The following TENM2 variants were observed in gnomAD, a reference collection of about 807,000 sequenced individuals.
The protein encoded by TENM2 is teneurin transmembrane protein 2.
TENM2 carries 52 observed loss-of-function variants against 245.2 expected under a neutral mutation model. The ratio of observed to expected loss-of-function variants is 0.21; its 90% CI spans 0.17 to 0.27. The LOEUF is 0.27. TENM2 is among the 10% of genes least tolerant of loss of function. TENM2 has a pLI of 1.00. For missense variants in TENM2, 3,046 were observed against 3,666.8 expected, an observed-to-expected ratio of 0.83 and a Z score of 4.37; for synonymous variants, 1,363 against 1,438.9, an observed-to-expected ratio of 0.95 and a Z score of 1.19.
intron 2 of TENM2, among the ~76,000 whole-genome samples, chr5:167,517,337 CTCTTT>C (rs1770447740): frequency 1.3e-5 from 2 of 152,250 alleles, no homozygotes; most frequent in South Asian, 2.1e-4. Flanking sequence ...TACATAAACG[CTCTTT>C]TCTTTAAAGT....
intron 5 of TENM2, among the ~76,000 whole-genome samples, chr5:168,029,372 C>T (rs1786907015): frequency 6.6e-6 from 1 of 152,156 alleles, no homozygotes. Flanking sequence ...CTCTCTCCTG[C>T]TTAAGGTAGA....
rs1447735529 is a variant in TENM2, at chr5:167,344,999, A to C, written c.227-30199A>C. 2.6e-5 allele frequency among the ~76,000 whole-genome samples: 4 copies of C among 152,220 alleles called. No homozygotes were observed. In the East Asian group the frequency reaches 5.8e-4, roughly 22 times the overall value. On this transcript the variant is annotated intron_variant, in intron 1 of 28. Transcript: ENST00000518659. Reference sequence around the variant, plus strand: ...AGGAAAGGAAGTACAGCCTCCTTAGAAGGCAGAGAGAGAATCTCTGCTTTT... The same window carrying C: ...AGGAAAGGAAGTACAGCCTCCTTAGCAGGCAGAGAGAGAATCTCTGCTTTT...
At chr5:167,189,487 CTTTTT>C in the TENM2 span, among the ~76,000 whole-genome samples, 1 of 151,508 alleles carries the variant, frequency 6.6e-6, no homozygotes, top group African/African-American at 2.4e-5. Context: ...CTTTTCTTTT[CTTTTT>C]CCTTCCTTCC....
At chr5:167,084,327 T>TTATATATATA in the TENM2 span, among the ~76,000 whole-genome samples, 999 of 23,088 alleles carry the variant, frequency 0.043, 240 homozygotes, top group Middle Eastern at 0.11. Flanking sequence ...GCCATTTTAG[T>TTATATATATA]TATATATATA....
the TENM2 span, among the ~76,000 whole-genome samples, chr5:167,270,369 G>T: frequency 6.6e-6 from 1 of 152,048 alleles, no homozygotes; most frequent in Non-Finnish European, 1.5e-5. Context: ...TGGTGGTGAT[G>T]GTAAAGTCCG....
At chr5:167,905,020 A>G (rs183999811) in intron 3 of TENM2, among the ~76,000 whole-genome samples, 2 of 152,306 alleles carry the variant, frequency 1.3e-5, no homozygotes, top group African/African-American at 4.8e-5. Flanking sequence ...ATATTTCAGG[A>G]TATGGTTATA....
At position 167,423,364 on chromosome 5, in the gene TENM2, G is replaced by T. The variant is rs191710795; in HGVS notation, c.502+47891G>T. On this transcript the variant is annotated intron_variant, in intron 2 of 28. Transcript: ENST00000518659. ...ATATCGATTAGTAAAGCCACCTTTT[G>T]GACTTATTGTTGGTAAACTGGGTTG... Among the ~76,000 whole-genome samples, 23 of 152,176 alleles carry T rather than the reference G, an allele frequency of 1.5e-4. 1 individual carries two copies. The highest frequency in any genetic ancestry group is 1.2e-3 in the Admixed American group (18 of 15,290).
intron 2 of TENM2, among the ~76,000 whole-genome samples, chr5:167,746,426 C>G (rs1310467913): frequency 2.6e-5 from 4 of 151,854 alleles, no homozygotes; most frequent in Non-Finnish European, 4.4e-5. Context: ...CTGCTTTATG[C>G]CTAGAACCAA....
chr5:168,208,493 C>G (rs1428481684), intron 19 of TENM2, among the ~76,000 whole-genome samples: 4 of 152,178 alleles, frequency 2.6e-5, no homozygotes, highest in Non-Finnish European at 5.9e-5. Flanking sequence ...GCAAAGCCAG[C>G]AGACATTGGA....
the TENM2 span, among the ~76,000 whole-genome samples, chr5:167,175,144 A>G: frequency 6.6e-6 from 1 of 152,210 alleles, no homozygotes; most frequent in Non-Finnish European, 1.5e-5. Context: ...ACAAGGGAAC[A>G]CCGACATCCC....
chr5:167,903,830 C>G (rs1016968724), intron 3 of TENM2, among the ~76,000 whole-genome samples: 1 of 152,144 alleles, frequency 6.6e-6, no homozygotes. Flanking sequence ...TGGCTAAGTG[C>G]TGATGCAAGC....
At position 167,861,564 on chromosome 5, in the gene TENM2, C is replaced by A. The variant is rs534442995; in HGVS notation, c.503-14422C>A. Among the ~76,000 whole-genome samples the A allele has an allele frequency of 2.6e-5, 4 of 152,320 alleles. No homozygotes were observed. In the South Asian group the frequency reaches 8.3e-4, roughly 32 times the overall value. On this transcript the variant is annotated intron_variant, in intron 2 of 28. Coordinates refer to ENST00000518659, the Ensembl canonical transcript of TENM2. ...GCCTGCTTGGCATTTACCTTCCTTT[C>A]CCAGGCTGACCTATGAAGATGGGGC...
At chr5:167,223,021 GA>G in the TENM2 span, among the ~76,000 whole-genome samples, 36 of 152,108 alleles carry the variant, frequency 2.4e-4, no homozygotes, top group African/African-American at 7.7e-4. Context: ...CTTTCAATAG[GA>G]TTTTTTTTAT....
the TENM2 span, among the ~76,000 whole-genome samples, chr5:167,037,601 A>C: frequency 3.3e-5 from 5 of 152,224 alleles, no homozygotes; most frequent in East Asian, 9.7e-4. Flanking sequence ...AATTCCTTCC[A>C]TTCTGTCACA....
chr5:167,309,885 GT>G (rs963872546), intron 1 of TENM2: 1 of 152,304 alleles, frequency 6.6e-6, no homozygotes, highest in Non-Finnish European at 1.5e-5. Context: ...GAGAGATTTT[GT>G]GCTGCGAGTC....
chr5:167,772,141 C>A (rs1763444284), intron 2 of TENM2, among the ~76,000 whole-genome samples: 1 of 152,148 alleles, frequency 6.6e-6, no homozygotes, highest in African/African-American at 2.4e-5. Context: ...ACATTTTACC[C>A]ACATGATTCT....
At chr5:167,200,764 G>A in the TENM2 span, among the ~76,000 whole-genome samples, 1 of 152,028 alleles carries the variant, frequency 6.6e-6, no homozygotes, top group South Asian at 2.1e-4. Flanking sequence ...TTTTCCATTA[G>A]GTACTTTCTG....
chr5:167,708,086 G>A (rs866712971), intron 2 of TENM2, among the ~76,000 whole-genome samples: 1 of 152,086 alleles, frequency 6.6e-6, no homozygotes, highest in Admixed American at 6.5e-5. Flanking sequence ...TAGACAAATC[G>A]ATCTTATCTG....
the TENM2 span, among the ~76,000 whole-genome samples, chr5:167,157,307 G>T: frequency 6.6e-6 from 1 of 152,166 alleles, no homozygotes; most frequent in African/African-American, 2.4e-5. Flanking sequence ...AAGGTGGTTT[G>T]TTCTTTGATA....
Sources: gnomAD v4.1 joint callset for allele counts (sites outside exome capture counted in the v4.1 genomes callset) on GRCh38, gnomAD v4.1.1 for gene constraint, MANE v1.5 for transcripts, NCBI Gene and HGNC (gene_info 2026-07-23, HGNC 2026-07-21) for gene names.